Variants in PRKN observed in about 807,000 individuals in gnomAD.
The protein encoded by PRKN is parkin RBR E3 ubiquitin protein ligase.
PRKN carries 56 observed loss-of-function variants against 59.5 expected under a neutral mutation model. That is an observed-to-expected ratio of 0.94 (90% CI 0.76 to 1.18). PRKN has a LOEUF of 1.18. Ranked by LOEUF, PRKN falls within the 50% of genes most tolerant of loss-of-function variation. PRKN has a pLI of 0.00. For missense variants in PRKN, 657 were observed against 596.4 expected (o/e 1.10, Z -1.06); for synonymous variants, 250 against 222.1 (o/e 1.13, Z -1.12).
chr6:161,898,545 G>A (rs1777750924), intron 6 of PRKN, among the ~76,000 whole-genome samples: 1 of 152,174 alleles, frequency 6.6e-6, no homozygotes, highest in Non-Finnish European at 1.5e-5. Context: ...ATCGTTTATG[G>A]GAAAACGCTG....
rs773857564 is a variant in PRKN, at chr6:161,428,401, C to A, written c.1084-41524G>T. Among the ~76,000 whole-genome samples the A allele has an allele frequency of 2.4e-4, 36 of 152,120 alleles. No homozygotes were observed. The highest frequency in any genetic ancestry group is 4.4e-4 in the Non-Finnish European group (30 of 68,022). ...GGTGGAGAGTGCAGACAGAAGCCTGCCATCCGCCGGAGTCTGTGAGCTTCA... is the reference window on the plus strand; with the variant it reads ...GGTGGAGAGTGCAGACAGAAGCCTGACATCCGCCGGAGTCTGTGAGCTTCA... On this transcript the variant is annotated intron_variant, in intron 9 of 11. Coordinates refer to ENST00000366898, the MANE Select transcript of PRKN (RefSeq NM_004562.3). The surrounding 1 kb of genome is among the most constrained non-coding windows in gnomAD (Gnocchi z 4.0).
Position 161,390,376 on chromosome 6 carries a change from G to A in PRKN, c.1084-3499C>T, listed in dbSNP as rs1310311738. On this transcript the variant is annotated intron_variant, in intron 9 of 11. Coordinates refer to ENST00000366898, the MANE Select transcript of PRKN (RefSeq NM_004562.3). This position sits in a 1 kb window ranked among gnomAD's most constrained non-coding sequence, Gnocchi z 7.0. ...GTAGTTCCCAGTGTTAATGTAGATT[G>A]TGCTATTTTCCTTTTGGTGACATTG... is the stretch of plus-strand genomic sequence containing the variant. Among the ~76,000 whole-genome samples the A allele has an allele frequency of 6.6e-6, 1 of 152,228 alleles. No homozygotes were observed. Among genetic ancestry groups the A allele is most frequent in the African/African-American group, 2.4e-5 (1 of 41,472 alleles).
At chr6:162,578,053 T>C (rs1363706140) in intron 1 of PRKN, among the ~76,000 whole-genome samples, 1 of 152,222 alleles carries the variant, frequency 6.6e-6, no homozygotes, top group Non-Finnish European at 1.5e-5. Context: ...CAACCACTGA[T>C]GACGGGAACA....
chr6:161,564,744 C>T (rs1389000350), intron 8 of PRKN, among the ~76,000 whole-genome samples: 1 of 152,110 alleles, frequency 6.6e-6, no homozygotes. Flanking sequence ...CTCTCTCTCT[C>T]ATTTCTCAAA....
intron 7 of PRKN, among the ~76,000 whole-genome samples, chr6:161,749,184 G>C (rs2128194142): frequency 6.6e-6 from 1 of 152,324 alleles, no homozygotes. Flanking sequence ...ATGTCTACTG[G>C]GACCTAGAGG....
intron 1 of PRKN, among the ~76,000 whole-genome samples, chr6:162,450,075 G>A (rs775357451): frequency 9.2e-5 from 14 of 152,232 alleles, no homozygotes; most frequent in South Asian, 2.1e-4. Flanking sequence ...ACCTGCCTCC[G>A]AGGAGACACA....
chr6:162,292,663 C>T (rs868741067), intron 2 of PRKN, among the ~76,000 whole-genome samples: 1 of 152,072 alleles, frequency 6.6e-6, no homozygotes, highest in South Asian at 2.1e-4. Context: ...AGGTGGATAC[C>T]CACAGGATGT....
chr6:162,056,282 C>T lies in PRKN; in HGVS notation c.535-2108G>A, dbSNP rs1331662330. ...CCAAACACATACATGCACACCAAGACACACCACACATGCATAAACACACCA... is the reference window on the plus strand; with the variant it reads ...CCAAACACATACATGCACACCAAGATACACCACACATGCATAAACACACCA... On this transcript the variant is annotated intron_variant, in intron 4 of 11. Coordinates refer to ENST00000366898, the MANE Select transcript of PRKN (RefSeq NM_004562.3). The surrounding 1 kb of genome is among the most constrained non-coding windows in gnomAD (Gnocchi z 4.9). Among the ~76,000 whole-genome samples the T allele has an allele frequency of 3.3e-5, 5 of 151,672 alleles. No homozygotes were observed. The highest frequency in any genetic ancestry group is 1.3e-4 in the Admixed American group (2 of 15,236).
intron 9 of PRKN, among the ~76,000 whole-genome samples, chr6:161,474,331 C>T (rs978995017): frequency 1.3e-5 from 2 of 152,202 alleles, no homozygotes; most frequent in Non-Finnish European, 2.9e-5. Context: ...CTGCTCCAAC[C>T]ATAGACCAAG....
At chr6:161,749,062 C>T (rs550209225) in intron 7 of PRKN, among the ~76,000 whole-genome samples, 13 of 152,128 alleles carry the variant, frequency 8.5e-5, no homozygotes, top group Non-Finnish European at 1.9e-4. Context: ...GGTCCTTGTA[C>T]TTGGTGAACA....
intron 6 of PRKN, among the ~76,000 whole-genome samples, chr6:161,909,244 ACT>A (rs1428201215): frequency 6.6e-6 from 1 of 152,106 alleles, no homozygotes; most frequent in Non-Finnish European, 1.5e-5. Flanking sequence ...GTTTTTTCTT[ACT>A]CTGTCCTGAT....
chr6:162,239,448 T>C (rs1263646695), intron 3 of PRKN, among the ~76,000 whole-genome samples: 1 of 152,120 alleles, frequency 6.6e-6, no homozygotes, highest in Non-Finnish European at 1.5e-5. Context: ...TTTTCCATTT[T>C]ATAGATGATT....
chr6:162,503,431 C>T (rs529709808), intron 1 of PRKN, among the ~76,000 whole-genome samples: 5 of 152,022 alleles, frequency 3.3e-5, no homozygotes, highest in South Asian at 2.1e-4. Context: ...CCCAGAGTGC[C>T]GGGATTACAG....
At chr6:161,860,518 A>C (rs1259271682) in intron 6 of PRKN, among the ~76,000 whole-genome samples, 1 of 152,210 alleles carries the variant, frequency 6.6e-6, no homozygotes, top group Non-Finnish European at 1.5e-5. Flanking sequence ...CCGTTGCCTC[A>C]TCACAGCCCT....
rs1779895701 is a variant in PRKN, at chr6:161,548,970, A to C, written c.967T>G (p.Cys323Gly). 1 of 1,613,974 alleles carries C rather than the reference A, an allele frequency of 6.2e-7. No individual in the cohort carries two copies. Among genetic ancestry groups the C allele is most frequent in the African/African-American group, 1.3e-5 (1 of 74,906 alleles). ...NRYQQYGAEE[C>G]VLQMGGVLCP... is the part of the protein sequence containing the mutation. ...AACACGCCCCCCATCTGCAGGACAC[A>C]CTCCTCTGCACCATACTGCTGGTAC... The change falls in exon 9 of 12, where the codon TGT becomes GGT. Residue 323 changes from cysteine to glycine, a missense_variant. Coordinates refer to ENST00000366898, the MANE Select transcript of PRKN (RefSeq NM_004562.3). This position sits in a 1 kb window ranked among gnomAD's most constrained non-coding sequence, Gnocchi z 4.2.
chr6:161,594,493 C>T (rs1781843914), intron 7 of PRKN, among the ~76,000 whole-genome samples: 1 of 152,196 alleles, frequency 6.6e-6, no homozygotes, highest in South Asian at 2.1e-4. Context: ...CATGTCACTT[C>T]TTTCCAATAT....
rs1218270247 is a variant in PRKN at position 161,480,657 on chromosome 6, C to T, written c.1083+68197G>A. ...AAATATCGTCTCCTTTGTAGGAAAT[C>T]ACCTAACTGGAACCTTCAATGGAAG... On this transcript the variant is annotated intron_variant, in intron 9 of 11. Transcript: ENST00000366898. The surrounding 1 kb of genome is among the most constrained non-coding windows in gnomAD (Gnocchi z 4.1). Among the ~76,000 whole-genome samples, 1 of 152,110 alleles carries T rather than the reference C, an allele frequency of 6.6e-6. No homozygotes were observed. Among genetic ancestry groups the T allele is most frequent in the African/African-American group, 2.4e-5 (1 of 41,426 alleles).
chr6:162,047,073 C>T (rs369762207), intron 5 of PRKN, among the ~76,000 whole-genome samples: 45 of 152,238 alleles, frequency 3.0e-4, no homozygotes, highest in East Asian at 2.9e-3. Context: ...CTTTGTCACG[C>T]TTAGACACCA....
chr6:161,715,691 A>T (rs1786944446), intron 7 of PRKN, among the ~76,000 whole-genome samples: 1 of 152,090 alleles, frequency 6.6e-6, no homozygotes, highest in African/African-American at 2.4e-5. Flanking sequence ...TTGAGTTAGG[A>T]TGTTGCTCAG....
Sources: allele counts gnomAD v4.1 joint callset (sites outside exome capture counted in the v4.1 genomes callset), GRCh38; gene constraint gnomAD v4.1.1; non-coding constraint Gnocchi (gnomAD v3.1); transcripts MANE v1.5; gene names NCBI Gene and HGNC (gene_info 2026-07-23, HGNC 2026-07-21).